STRN: variants seen among roughly 807,000 people sequenced by gnomAD.
The protein encoded by STRN is protein phosphatase 2 regulatory subunit B'''alpha.
In STRN, 53 loss-of-function variants were observed where a neutral mutation model predicts 96.3. The ratio of observed to expected loss-of-function variants is 0.55; its 90% CI spans 0.44 to 0.69. The LOEUF is 0.69. Among genes scored for constraint, STRN ranks in the 30% least tolerant of loss-of-function variants. The probability of loss-of-function intolerance (pLI) is 0.00; values close to 1 mark genes in which losing one functional copy is unlikely to be tolerated. For synonymous variants in STRN, 428 were observed against 355.9 expected (o/e 1.20, Z -2.28); for missense variants, 987 against 963.9 (o/e 1.02, Z -0.32).
chr2:36,944,566 T>C (rs1307560340), intron 1 of STRN, among the ~76,000 whole-genome samples: 1 of 152,234 alleles, frequency 6.6e-6, no homozygotes, highest in Non-Finnish European at 1.5e-5. Flanking sequence ...CTTACAAGTA[T>C]AGATTTATCT....
At chr2:36,880,248 G>A (rs528331051) in intron 9 of STRN, among the ~76,000 whole-genome samples, 29 of 152,320 alleles carry the variant, frequency 1.9e-4, no homozygotes, top group African/African-American at 6.0e-4. Context: ...GATTACAGGC[G>A]TGAGCCATCA....
At chr2:36,912,839 A>G (rs1010227072) in intron 3 of STRN, among the ~76,000 whole-genome samples, 2 of 152,294 alleles carry the variant, frequency 1.3e-5, no homozygotes, top group South Asian at 4.1e-4. Flanking sequence ...TTCCAAATCT[A>G]CTTCTGGTCT....
chr2:36,869,607 T>C lies in STRN; in HGVS notation c.1446A>G (p.Ser482=), dbSNP rs1311514794. 3.7e-6 allele frequency: 6 copies of C among 1,609,554 alleles called. No homozygotes were observed. Among genetic ancestry groups the C allele is most frequent in the South Asian group, 1.1e-5 (1 of 90,338 alleles). Residue 482 remains serine (S), a synonymous_variant, in exon 11 of 18, where the codon TCA becomes TCG. Transcript: ENST00000263918. The part of the protein sequence containing the change: ...HPIEPVLITA[S]EDHTLKMWNL... ...TCCACATTTTTAATGTGTGATCCTC[T>C]GATGCTGTTATCAAAACAGGCTCAA...
At chr2:36,957,361 G>T (rs1664914041) in intron 1 of STRN, among the ~76,000 whole-genome samples, 1 of 152,218 alleles carries the variant, frequency 6.6e-6, no homozygotes, top group Non-Finnish European at 1.5e-5. Flanking sequence ...GCGGAGGCGG[G>T]CAGATCACTT....
chr2:36,895,370 T>C (rs1163191125), intron 6 of STRN, among the ~76,000 whole-genome samples: 4 of 151,844 alleles, frequency 2.6e-5, no homozygotes, highest in Admixed American at 6.6e-5. Context: ...CAAAGGATTA[T>C]TTAATGATGC....
chr2:36,966,119 G>A, intron 1 of STRN, 111 bp downstream of exon 1: 1 of 1,243,646 alleles, frequency 8.0e-7, no homozygotes, highest in Admixed American at 4.5e-5. Flanking sequence ...ATGGGCGGCA[G>A]CAAAGGGGGA....
chr2:36,856,768 G>A (rs192180934), intron 14 of STRN, among the ~76,000 whole-genome samples: 57 of 152,270 alleles, frequency 3.7e-4, no homozygotes, highest in East Asian at 1.9e-3. Context: ...TTGGAGATAC[G>A]GCCTGGCGGG....
intron 14 of STRN, among the ~76,000 whole-genome samples, chr2:36,857,655 G>A (rs535329154): frequency 6.6e-6 from 1 of 151,764 alleles, no homozygotes; most frequent in Admixed American, 6.6e-5. Context: ...GTGATACTCC[G>A]TCTCAAAAAA....
intron 9 of STRN, among the ~76,000 whole-genome samples, chr2:36,881,396 G>A (rs766326245): frequency 6.6e-6 from 1 of 152,024 alleles, no homozygotes; most frequent in Non-Finnish European, 1.5e-5. Flanking sequence ...CCAAAGTGCT[G>A]GGATTACAGG....
chr2:36,966,089 G>T, intron 1 of STRN, 141 bp downstream of exon 1: 2 of 958,740 alleles, frequency 2.1e-6, no homozygotes, highest in Non-Finnish European at 2.9e-6. Flanking sequence ...AGAGAAGAAG[G>T]GGACGGGGCT....
At chr2:36,945,896 T>G (rs1463137187) in intron 1 of STRN, among the ~76,000 whole-genome samples, 3 of 152,180 alleles carry the variant, frequency 2.0e-5, no homozygotes, top group Non-Finnish European at 4.4e-5. Context: ...ACATAGTAAT[T>G]CTTAGAAAGC....
chr2:36,865,728 G>A (rs1198950270), intron 12 of STRN, among the ~76,000 whole-genome samples: 1 of 151,766 alleles, frequency 6.6e-6, no homozygotes, highest in African/African-American at 2.4e-5. Flanking sequence ...CACTCAGCTA[G>A]TTTTTATATT....
chr2:36,922,122 A>C (rs956966525), intron 2 of STRN, among the ~76,000 whole-genome samples: 2 of 152,188 alleles, frequency 1.3e-5, no homozygotes, highest in African/African-American at 2.4e-5. Context: ...CTATAGAGAG[A>C]GCAAACACAA....
intron 6 of STRN, among the ~76,000 whole-genome samples, chr2:36,896,778 C>T (rs889023537): frequency 1.5e-4 from 23 of 152,186 alleles, no homozygotes; most frequent in African/African-American, 5.3e-4. Context: ...TTAGGCTTCA[C>T]ACAGTTTGAA....
rs2148110230 is a variant in STRN at position 36,841,056 on chromosome 2, T to C, written c.*8400A>G. 6.6e-6 allele frequency: 1 copy of C among 152,322 alleles called. No homozygotes were observed. The highest frequency in any genetic ancestry group is 2.4e-5 in the African/African-American group (1 of 41,580). 9.4% of individuals were successfully genotyped at this position (152,322 alleles called of 1,614,324 possible). A position where few individuals can be genotyped will look rare whatever the true frequency, so the allele number is the denominator to read the frequency against. Reference sequence around the variant, plus strand: ...CTACAACCTTCAAGTTCAAAATTTCTACCTCCAGAAAGCAATGATGTTTCT... The same window carrying C: ...CTACAACCTTCAAGTTCAAAATTTCCACCTCCAGAAAGCAATGATGTTTCT... On this transcript the variant is annotated 3_prime_UTR_variant, in exon 18 of 18. Coordinates refer to ENST00000263918, the MANE Select transcript of STRN (RefSeq NM_003162.4).
intron 2 of STRN, among the ~76,000 whole-genome samples, chr2:36,917,529 CAAAAAAAAGAAAAAAA>C (rs1250781686): frequency 0.014 from 686 of 48,126 alleles, 8 homozygotes; most frequent in African/African-American, 0.032. Context: ...GTCTCAAAAA[CAAAAAAAAGAAAAAAA>C]AAAAAAAAGA....
chr2:36,937,522 T>C (rs1196927999), intron 1 of STRN, among the ~76,000 whole-genome samples: 1 of 151,674 alleles, frequency 6.6e-6, no homozygotes, highest in East Asian at 1.9e-4. Context: ...CTAAATAACT[T>C]AGCGGAGCAT....
At chr2:36,862,926 G>A (rs1205343525) in intron 12 of STRN, among the ~76,000 whole-genome samples, 1 of 151,972 alleles carries the variant, frequency 6.6e-6, no homozygotes, top group African/African-American at 2.4e-5. Flanking sequence ...TAGTAGAGAC[G>A]CGGTTTCACC....
At chr2:36,905,766 G>T in intron 3 of STRN, 148 bp from the exon 4 acceptor site, 1 of 620,242 alleles carries the variant, frequency 1.6e-6, no homozygotes, top group Non-Finnish European at 2.8e-6. Context: ...TGTAAGTTCT[G>T]TTTTTTAACT....
Sources: allele counts gnomAD v4.1 joint callset (sites outside exome capture counted in the v4.1 genomes callset), GRCh38; gene constraint gnomAD v4.1.1; transcripts MANE v1.5; gene names NCBI Gene and HGNC (gene_info 2026-07-23, HGNC 2026-07-21).